The following PARN variants were observed in gnomAD, a reference collection of about 807,000 sequenced individuals.
PARN encodes the protein poly(A)-specific ribonuclease.
A neutral mutation model predicts 102.8 loss-of-function variants in PARN; 71 were observed. The ratio of observed to expected loss-of-function variants is 0.69; its 90% CI spans 0.57 to 0.84. The LOEUF is 0.84. Among genes scored for constraint, PARN ranks in the 40% least tolerant of loss-of-function variants. The pLI, the probability that PARN is intolerant of heterozygous loss-of-function variation, is 0.00. For missense variants in PARN, 782 were observed against 760.9 expected (o/e 1.03, Z -0.33); for synonymous variants, 261 against 252.9 (o/e 1.03, Z -0.30).
intron 14 of PARN, among the ~76,000 whole-genome samples, chr16:14,585,119 A>T (rs1213463709): frequency 6.6e-6 from 1 of 152,146 alleles, no homozygotes; most frequent in African/African-American, 2.4e-5. Flanking sequence ...ATCAATCTCA[A>T]GGGTGAGTCA....
At chr16:14,444,234 T>C (rs1328004167) in intron 23 of PARN, among the ~76,000 whole-genome samples, 14 of 152,230 alleles carry the variant, frequency 9.2e-5, no homozygotes, top group Admixed American at 2.6e-4. Context: ...GCTCGATGAA[T>C]GGTGCTCCAG....
chr16:14,586,218 C>T, intron 14 of PARN, 100 bp downstream of exon 14: 1 of 712,370 alleles, frequency 1.4e-6, no homozygotes, highest in Admixed American at 2.2e-5. Flanking sequence ...CTCAAGTGAT[C>T]CTCCCACCTC....
At chr16:14,518,067 T>C (rs1157648121) in intron 21 of PARN, among the ~76,000 whole-genome samples, 2 of 152,044 alleles carry the variant, frequency 1.3e-5, no homozygotes, top group African/African-American at 4.8e-5. Context: ...GGAGTGGCTA[T>C]GGTATTACAT....
chr16:14,454,204 G>A (rs142858899), intron 22 of PARN, among the ~76,000 whole-genome samples: 9 of 152,068 alleles, frequency 5.9e-5, no homozygotes, highest in South Asian at 2.1e-4. Flanking sequence ...TTTTTGGCCC[G>A]GCATGATGGC....
chr16:14,443,597 C>T (rs1961051744), intron 23 of PARN, among the ~76,000 whole-genome samples: 1 of 152,126 alleles, frequency 6.6e-6, no homozygotes, highest in African/African-American at 2.4e-5. Flanking sequence ...CCTCGCCCTC[C>T]AGAAGTGCTG....
At chr16:14,439,303 TC>T (rs1244064474) in intron 23 of PARN, among the ~76,000 whole-genome samples, 1 of 147,646 alleles carries the variant, frequency 6.8e-6, no homozygotes, top group East Asian at 2.0e-4. Flanking sequence ...GCCCAGGATA[TC>T]AAGGCTGCAG....
At chr16:14,602,935 G>A (rs1331330122) in intron 11 of PARN, among the ~76,000 whole-genome samples, 2 of 151,284 alleles carry the variant, frequency 1.3e-5, no homozygotes, top group Non-Finnish European at 2.9e-5. Context: ...TTTTTTTTAA[G>A]ACAAGGTCTC....
intron 18 of PARN, among the ~76,000 whole-genome samples, chr16:14,560,440 T>C (rs1002870596): frequency 6.6e-6 from 1 of 152,258 alleles, no homozygotes; most frequent in African/African-American, 2.4e-5. Flanking sequence ...TCCCCACTTA[T>C]TCTCTAAAGG....
Position 14,627,164 on chromosome 16 carries a change from A to T in PARN, c.269T>A (p.Phe90Tyr). ...DSKYITKSFNFYVFPKPFNRS... is the reference protein window; with the variant it reads ...DSKYITKSFNYYVFPKPFNRS... ...ATTGAAGGGTTTCGGGAAAACATAG[A>T]AGTTAAATGACTTCGTTATATACCT... is the stretch of plus-strand genomic sequence containing the variant. The change falls in exon 5 of 24, where the codon TTC (phenylalanine) becomes TAC (tyrosine). Residue 90 changes from phenylalanine to tyrosine, a missense_variant. Coordinates refer to ENST00000437198, the MANE Select transcript of PARN (RefSeq NM_002582.4). The T allele has an allele frequency of 6.2e-7, 1 of 1,605,032 alleles. No homozygotes were observed. The highest frequency in any genetic ancestry group is 8.5e-7 in the Non-Finnish European group (1 of 1,173,196).
chr16:14,590,701 T>G (rs1240671152), intron 13 of PARN, among the ~76,000 whole-genome samples: 3 of 150,980 alleles, frequency 2.0e-5, no homozygotes, highest in Non-Finnish European at 2.9e-5. Flanking sequence ...CCCACAACTA[T>G]GAAGTCTTTG....
At chr16:14,543,237 A>G (rs1162900443) in intron 21 of PARN, among the ~76,000 whole-genome samples, 6 of 152,234 alleles carry the variant, frequency 3.9e-5, no homozygotes, top group Admixed American at 3.9e-4. Context: ...GTGTGAATAA[A>G]GGCAAAATAA....
At chr16:14,576,970 T>G (rs1488741314) in intron 18 of PARN, among the ~76,000 whole-genome samples, 1 of 152,222 alleles carries the variant, frequency 6.6e-6, no homozygotes, top group African/African-American at 2.4e-5. Flanking sequence ...TTGATAAAGC[T>G]TCCCAAAATG....
intron 22 of PARN, among the ~76,000 whole-genome samples, chr16:14,456,542 A>G (rs536838265): frequency 1.2e-4 from 18 of 152,278 alleles, no homozygotes; most frequent in African/African-American, 2.4e-4. Context: ...GCTGTATAAA[A>G]TAACAGTACC....
At chr16:14,567,113 C>CT (rs1221951882) in intron 18 of PARN, among the ~76,000 whole-genome samples, 10 of 152,134 alleles carry the variant, frequency 6.6e-5, no homozygotes, top group Non-Finnish European at 4.4e-5. Flanking sequence ...CATGGAGATT[C>CT]TTTTTATCAT....
At chr16:14,442,335 T>C (rs1389527859) in intron 23 of PARN, among the ~76,000 whole-genome samples, 7 of 152,180 alleles carry the variant, frequency 4.6e-5, no homozygotes. Context: ...CTGAAGACAT[T>C]TTATTCCAGC....
chr16:14,497,542 G>A (rs988291955), intron 21 of PARN, among the ~76,000 whole-genome samples: 1 of 152,154 alleles, frequency 6.6e-6, no homozygotes, highest in Non-Finnish European at 1.5e-5. Flanking sequence ...GCAACTTGTT[G>A]GGCTGTTTAT....
chr16:14,436,752 G>C lies in PARN; in HGVS notation c.1885C>G (p.Pro629Ala), dbSNP rs1226742015. 1 of 1,596,818 alleles carries C rather than the reference G, an allele frequency of 6.3e-7. No homozygotes were observed. The highest frequency in any genetic ancestry group is 8.5e-7 in the Non-Finnish European group (1 of 1,171,876). The change falls in exon 24 of 24, where the codon CCT (proline) becomes GCT (alanine). Residue 629 changes from proline to alanine, a missense_variant. Transcript: ENST00000437198. Reference protein sequence around the residue: ...SPAGSISKNSPATLFEVPDTW With the variant: ...SPAGSISKNSAATLFEVPDTW ...TCAGGAACTTCAAAGAGTGTGGCAG[G>C]GCTGTTCTTCGAGATGCTTCCTGGT... is the stretch of plus-strand genomic sequence containing the variant.
chr16:14,496,934 A>G (rs1381984775), intron 21 of PARN, among the ~76,000 whole-genome samples: 1 of 152,212 alleles, frequency 6.6e-6, no homozygotes, highest in Non-Finnish European at 1.5e-5. Context: ...ACGACAGAAC[A>G]GTGCCTGAGA....
chr16:14,620,539 A>G (rs1490821051), intron 5 of PARN, among the ~76,000 whole-genome samples: 1 of 152,226 alleles, frequency 6.6e-6, no homozygotes, highest in African/African-American at 2.4e-5. Flanking sequence ...AGCAGGCTAC[A>G]CATCTGAATC....
Sources: gnomAD v4.1 joint callset for allele counts (sites outside exome capture counted in the v4.1 genomes callset) on GRCh38, gnomAD v4.1.1 for gene constraint, MANE v1.5 for transcripts, NCBI Gene and HGNC (gene_info 2026-07-23, HGNC 2026-07-21) for gene names.